SBF2: variants seen among roughly 807,000 people sequenced by gnomAD.
SBF2 encodes SET binding factor 2, also known as myotubularin-related protein 13.
In SBF2, 112 loss-of-function variants were observed where a neutral mutation model predicts 225.2. The ratio of observed to expected loss-of-function variants is 0.50; its 90% CI spans 0.43 to 0.58. The LOEUF is 0.58. SBF2 is among the 20% of genes least tolerant of loss of function. The pLI is 0.00. For synonymous variants in SBF2, 763 were observed against 773.3 expected, an observed-to-expected ratio of 0.99 and a Z score of 0.22; for missense variants, 1,996 against 2,206.2, an observed-to-expected ratio of 0.90 and a Z score of 1.91.
At chr11:9,807,925 T>TC in intron 32 of SBF2, 75 bp downstream of exon 32, 1 of 1,327,900 alleles carries the variant, frequency 7.5e-7, no homozygotes, top group Non-Finnish European at 1.1e-6. Context: ...GGGCACACCA[T>TC]CGCAATGCTC....
At chr11:9,968,790 T>C (rs1384169721) in intron 13 of SBF2, among the ~76,000 whole-genome samples, 1 of 152,248 alleles carries the variant, frequency 6.6e-6, no homozygotes, top group Non-Finnish European at 1.5e-5. Flanking sequence ...CTAGGTCTTC[T>C]TGCTACATCT....
chr11:9,959,882 G>A lies in SBF2; in HGVS notation c.1860+2075C>T, dbSNP rs183975127. 166 of 433,718 alleles carry A rather than the reference G, an allele frequency of 3.8e-4. 1 individual carries two copies. Among genetic ancestry groups the A allele is most frequent in the Middle Eastern group, 1.5e-3 (2 of 1,316 alleles). 26.9% of individuals were successfully genotyped at this position (433,718 alleles called of 1,614,324 possible). On this transcript the variant is annotated intron_variant, in intron 16 of 39. Transcript: ENST00000256190. ...AGGAGGGGAGGCCACTGTGCGCTCA[G>A]AAACTCTGCTCTTCTCCCATTCTCG...
At chr11:9,916,861 G>C (rs899645570) in intron 16 of SBF2, among the ~76,000 whole-genome samples, 1 of 148,208 alleles carries the variant, frequency 6.7e-6, no homozygotes, top group Non-Finnish European at 1.5e-5. Flanking sequence ...TAAGAGTACA[G>C]GAGCAAATTA....
intron 2 of SBF2, among the ~76,000 whole-genome samples, chr11:10,133,357 T>C (rs529011564): frequency 1.1e-4 from 17 of 148,946 alleles, no homozygotes; most frequent in African/African-American, 4.2e-4. Flanking sequence ...GAGCAGGGGG[T>C]GGTGCTTGTC....
chr11:10,284,688 G>A (rs780761685), intron 1 of SBF2, among the ~76,000 whole-genome samples: 9 of 152,076 alleles, frequency 5.9e-5, no homozygotes, highest in Non-Finnish European at 1.3e-4. Context: ...ACAGCTCACT[G>A]CAGCCTCGAC....
chr11:9,997,770 TCCGTC>T, intron 9 of SBF2, among the ~76,000 whole-genome samples: 1 of 152,182 alleles, frequency 6.6e-6, no homozygotes, highest in African/African-American at 2.4e-5. Context: ...AGAGCAAGAC[TCCGTC>T]TCAAAAAAAA....
chr11:9,891,059 C>G (rs1167145363), intron 17 of SBF2, among the ~76,000 whole-genome samples: 4 of 151,966 alleles, frequency 2.6e-5, no homozygotes, highest in Non-Finnish European at 1.5e-5. Flanking sequence ...TCGCTTGAAC[C>G]CAGGAGGTAG....
chr11:10,138,610 T>G (rs1378371201), intron 2 of SBF2, among the ~76,000 whole-genome samples: 2 of 152,144 alleles, frequency 1.3e-5, no homozygotes, highest in African/African-American at 4.8e-5. Context: ...ACTGTAAGTT[T>G]CCATCTGAGT....
chr11:10,297,245 A>C (rs1326563175), upstream of SBF2, among the ~76,000 whole-genome samples: 1 of 150,214 alleles, frequency 6.7e-6, no homozygotes, highest in African/African-American at 2.5e-5. Context: ...TTTTATGTAG[A>C]GATGTTGTAT....
At chr11:9,873,288 G>A (rs1357589949) in intron 17 of SBF2, among the ~76,000 whole-genome samples, 1 of 149,044 alleles carries the variant, frequency 6.7e-6, no homozygotes, top group African/African-American at 2.5e-5. Flanking sequence ...ATATGGATTA[G>A]TACAGCATAA....
At chr11:10,173,272 C>T (rs145492436) in intron 2 of SBF2, among the ~76,000 whole-genome samples, 4,287 of 152,286 alleles carry the variant, frequency 0.028, 87 homozygotes, top group Non-Finnish European at 0.041. Flanking sequence ...CTAGGGAGTG[C>T]CAGACAGTGG....
intron 1 of SBF2, among the ~76,000 whole-genome samples, chr11:10,221,458 T>G (rs1436686358): frequency 6.6e-6 from 1 of 152,124 alleles, no homozygotes; most frequent in African/African-American, 2.4e-5. Context: ...TTCTCACAAG[T>G]CAAGCACTTT....
At chr11:9,824,418 A>T (rs1590163456) in intron 28 of SBF2, among the ~76,000 whole-genome samples, 1 of 152,034 alleles carries the variant, frequency 6.6e-6, no homozygotes, top group East Asian at 1.9e-4. Context: ...TTAGCTGGGC[A>T]CGGTGGCACG....
intron 28 of SBF2, 56 bp from the exon 29 acceptor site, chr11:9,817,080 C>T (rs1446703661): frequency 8.8e-6 from 14 of 1,591,432 alleles, no homozygotes; most frequent in Non-Finnish European, 1.1e-5. Flanking sequence ...ATGCCACTAA[C>T]TAAGGAAAAA....
chr11:10,146,482 C>T (rs1441181058), intron 2 of SBF2, among the ~76,000 whole-genome samples: 1 of 152,174 alleles, frequency 6.6e-6, no homozygotes, highest in Non-Finnish European at 1.5e-5. Flanking sequence ...AAAGGACTCC[C>T]TATTTAACAA....
At chr11:10,246,833 G>A (rs189187338) in intron 1 of SBF2, among the ~76,000 whole-genome samples, 2 of 152,308 alleles carry the variant, frequency 1.3e-5, no homozygotes, top group African/African-American at 2.4e-5. Flanking sequence ...TCACCACTTT[G>A]GGAGGTCGAA....
chr11:10,100,507 A>G (rs1221249614), intron 2 of SBF2, among the ~76,000 whole-genome samples: 2 of 152,260 alleles, frequency 1.3e-5, no homozygotes, highest in Admixed American at 6.5e-5. Flanking sequence ...TAACTGCAAT[A>G]GAGAAACAGT....
At chr11:10,244,903 A>AG (rs1203498228) in intron 1 of SBF2, among the ~76,000 whole-genome samples, 2 of 152,132 alleles carry the variant, frequency 1.3e-5, no homozygotes, top group African/African-American at 2.4e-5. Flanking sequence ...TGGGAGGCCA[A>AG]GGGGGGTGGA....
chr11:10,008,744 C>T (rs1481215033), intron 6 of SBF2, among the ~76,000 whole-genome samples: 1 of 152,226 alleles, frequency 6.6e-6, no homozygotes, highest in Non-Finnish European at 1.5e-5. Flanking sequence ...GGGAGAGAAT[C>T]CTTTGTCTTG....
Sources: allele counts gnomAD v4.1 joint callset (sites outside exome capture counted in the v4.1 genomes callset), GRCh38; gene constraint gnomAD v4.1.1; transcripts MANE v1.5; gene names NCBI Gene and HGNC (gene_info 2026-07-23, HGNC 2026-07-21).